The following EXOC6B variants were observed in gnomAD, a reference collection of about 807,000 sequenced individuals.
The protein encoded by EXOC6B is SEC15 homolog B.
A neutral mutation model predicts 113.5 loss-of-function variants in EXOC6B; 54 were observed. The observed-to-expected ratio is 0.48, with a 90% CI of 0.38 to 0.60. The LOEUF (loss-of-function observed/expected upper bound fraction) is 0.60, where lower values mean the gene tolerates loss of function less well. Ranked by LOEUF, EXOC6B falls within the 20% of genes least tolerant of loss-of-function variation. The probability of loss-of-function intolerance (pLI) is 0.00; values close to 1 mark genes in which losing one functional copy is unlikely to be tolerated. For synonymous variants in EXOC6B, 357 were observed against 339.0 expected (o/e 1.05, Z -0.58); for missense variants, 797 against 977.5 (o/e 0.82, Z 2.46).
chr2:72,554,135 CTAAT>C (rs373674557), intron 8 of EXOC6B, among the ~76,000 whole-genome samples: 188 of 152,198 alleles, frequency 1.2e-3, no homozygotes, highest in African/African-American at 4.3e-3. Context: ...TGTTTGTGCC[CTAAT>C]TAAAGAGGAC....
At chr2:72,816,585 T>C (rs1438849464) in intron 1 of EXOC6B, among the ~76,000 whole-genome samples, 1 of 152,212 alleles carries the variant, frequency 6.6e-6, no homozygotes, top group African/African-American at 2.4e-5. Flanking sequence ...TCCTTTTCTT[T>C]CCACTTTTTA....
At chr2:72,311,562 A>C (rs1687186331) in intron 20 of EXOC6B, among the ~76,000 whole-genome samples, 1 of 152,220 alleles carries the variant, frequency 6.6e-6, no homozygotes, top group African/African-American at 2.4e-5. Flanking sequence ...TTACGGGATT[A>C]GATTGGACCC....
At chr2:72,521,317 G>A (rs560202776) in intron 8 of EXOC6B, among the ~76,000 whole-genome samples, 16 of 152,266 alleles carry the variant, frequency 1.1e-4, no homozygotes, top group African/African-American at 3.6e-4. Context: ...TCAGCCTCCA[G>A]AATCCTAAGA....
intron 16 of EXOC6B, among the ~76,000 whole-genome samples, chr2:72,484,541 TG>T (rs1414688824): frequency 7.6e-6 from 1 of 131,534 alleles, no homozygotes; most frequent in African/African-American, 3.0e-5. Context: ...CACTCCAGCC[TG>T]GGCGACAGAG....
At chr2:72,538,353 T>C (rs1437263544) in intron 8 of EXOC6B, among the ~76,000 whole-genome samples, 1 of 152,220 alleles carries the variant, frequency 6.6e-6, no homozygotes, top group Non-Finnish European at 1.5e-5. Context: ...AACAGAAATA[T>C]AATGTAAGAC....
At chr2:72,823,855 C>G (rs571296908) in intron 1 of EXOC6B, among the ~76,000 whole-genome samples, 3 of 151,848 alleles carry the variant, frequency 2.0e-5, no homozygotes, top group Non-Finnish European at 4.4e-5. Context: ...ATTACCTAAA[C>G]AATACAGTAT....
chr2:72,584,450 A>G (rs1181020428), intron 6 of EXOC6B, among the ~76,000 whole-genome samples: 2 of 152,226 alleles, frequency 1.3e-5, no homozygotes, highest in Non-Finnish European at 2.9e-5. Flanking sequence ...GTTCAATTCA[A>G]CAAGAAAACT....
chr2:72,208,316 T>TAAGAA (rs1679961284), intron 20 of EXOC6B, among the ~76,000 whole-genome samples: 1 of 152,068 alleles, frequency 6.6e-6, no homozygotes, highest in Non-Finnish European at 1.5e-5. Flanking sequence ...TTGTTCCCAC[T>TAAGAA]TATAATTGAG....
intron 5 of EXOC6B, among the ~76,000 whole-genome samples, chr2:72,724,401 TAAGCAGA>T (rs1680183900): frequency 6.6e-6 from 1 of 152,166 alleles, no homozygotes; most frequent in Admixed American, 6.5e-5. Flanking sequence ...GGTGGGCCTT[TAAGCAGA>T]GCTTAAAAAT....
intron 8 of EXOC6B, among the ~76,000 whole-genome samples, chr2:72,553,298 G>C (rs1703344491): frequency 6.6e-6 from 1 of 152,036 alleles, no homozygotes. Context: ...TTGGGGGAAA[G>C]CTCAATTAAA....
At chr2:72,465,360 T>C (rs2105419679) in intron 17 of EXOC6B, 21 bp from the exon 18 acceptor site, 1 of 1,543,482 alleles carries the variant, frequency 6.5e-7, no homozygotes. Flanking sequence ...ATATAAAATT[T>C]GAAAAATCAC....
At chr2:72,480,516 C>G in intron 17 of EXOC6B, 100 bp downstream of exon 17, 3 of 1,067,068 alleles carry the variant, frequency 2.8e-6, no homozygotes, top group Non-Finnish European at 3.8e-6. Flanking sequence ...TTCTCAAGAG[C>G]ATGTTATAAA....
intron 11 of EXOC6B, among the ~76,000 whole-genome samples, chr2:72,509,167 G>T (rs1272646160): frequency 6.6e-6 from 1 of 152,196 alleles, no homozygotes; most frequent in Non-Finnish European, 1.5e-5. Flanking sequence ...GGCATACACT[G>T]AGGAAAGGTC....
chr2:72,671,775 G>GAAAGAAAGAAAGAAAGAAAGAAAGAA, intron 6 of EXOC6B, among the ~76,000 whole-genome samples: 1 of 98,270 alleles, frequency 1.0e-5, no homozygotes, highest in African/African-American at 5.0e-5. Context: ...AAGAAAGAAA[G>GAAAGAAAGAAAGAAAGAAAGAAAGAA]AAAGAAAGAA....
chr2:72,641,589 G>A (rs1365233966), intron 6 of EXOC6B, among the ~76,000 whole-genome samples: 2 of 152,250 alleles, frequency 1.3e-5, no homozygotes, highest in Non-Finnish European at 2.9e-5. Flanking sequence ...GCCCACTGCA[G>A]CTCTGCAAGG....
At chr2:72,475,220 T>C (rs1698663527) in intron 17 of EXOC6B, among the ~76,000 whole-genome samples, 1 of 152,050 alleles carries the variant, frequency 6.6e-6, no homozygotes, top group Admixed American at 6.6e-5. Flanking sequence ...ATTGTTGAGT[T>C]TCCAGACAGA....
chr2:72,668,013 A>T (rs1218699857), intron 6 of EXOC6B, among the ~76,000 whole-genome samples: 2 of 152,196 alleles, frequency 1.3e-5, no homozygotes, highest in African/African-American at 4.8e-5. Flanking sequence ...AACTTAAATC[A>T]ACAACCAAAA....
At chr2:72,232,392 A>G (rs183901890) in intron 20 of EXOC6B, among the ~76,000 whole-genome samples, 1 of 152,298 alleles carries the variant, frequency 6.6e-6, no homozygotes, top group East Asian at 1.9e-4. Context: ...AATGTTCTGG[A>G]AAGTAATTTG....
chr2:72,184,219 T>C, intron 20 of EXOC6B, 32 bp from the exon 21 acceptor site: 1 of 1,214,294 alleles, frequency 8.2e-7, no homozygotes. Flanking sequence ...CCCCAGGGAT[T>C]AGTCAGACAG....
Sources: allele counts gnomAD v4.1 joint callset (sites outside exome capture counted in the v4.1 genomes callset), GRCh38; gene constraint gnomAD v4.1.1; transcripts MANE v1.5; gene names NCBI Gene and HGNC (gene_info 2026-07-23, HGNC 2026-07-21).